The following MCEE variants were observed in gnomAD, a reference collection of about 807,000 sequenced individuals.
The protein encoded by MCEE is methylmalonyl-CoA epimerase, mitochondrial.
A neutral mutation model predicts 12.9 loss-of-function variants in MCEE; 6 were observed. The observed-to-expected ratio is 0.47, with a 90% CI of 0.26 to 0.92. The LOEUF is 0.92. Among genes scored for constraint, MCEE ranks in the 40% least tolerant of loss-of-function variants. MCEE has a pLI of 0.16. For missense variants in MCEE, 214 were observed against 212.1 expected (o/e 1.01, Z -0.05); for synonymous variants, 78 against 77.9 (o/e 1.00, Z -0.01).
At chr2:71,119,693 G>C (rs1279066086) in intron 2 of MCEE, among the ~76,000 whole-genome samples, 1 of 150,142 alleles carries the variant, frequency 6.7e-6, no homozygotes, top group Admixed American at 6.6e-5. Context: ...CCAGCATCTT[G>C]TACAGTGAAG....
intron 1 of MCEE, among the ~76,000 whole-genome samples, chr2:71,127,513 A>G (rs1673261208): frequency 6.6e-6 from 1 of 152,274 alleles, no homozygotes; most frequent in South Asian, 2.1e-4. Flanking sequence ...TAGTTTTTAA[A>G]CAGACTTAAA....
intron 2 of MCEE, 43 bp downstream of exon 2, chr2:71,124,161 TAA>T (rs764917985): frequency 1.4e-6 from 2 of 1,445,072 alleles, no homozygotes; most frequent in South Asian, 2.3e-5. Context: ...AGACATTTTT[TAA>T]AAGAGAGATT....
At chr2:71,111,705 C>A (rs536466130) in intron 2 of MCEE, among the ~76,000 whole-genome samples, 2 of 152,180 alleles carry the variant, frequency 1.3e-5, no homozygotes, top group Non-Finnish European at 2.9e-5. Flanking sequence ...GCTGTGAACT[C>A]TAGCACCATG....
chr2:71,120,638 T>G (rs1673081563), intron 2 of MCEE, among the ~76,000 whole-genome samples: 1 of 150,246 alleles, frequency 6.7e-6, no homozygotes, highest in Admixed American at 6.6e-5. Context: ...CCAACAGATA[T>G]ATGCTAAGTC....
At chr2:71,129,787 A>C (rs922519142) in intron 1 of MCEE, 1 of 314,408 alleles carries the variant, frequency 3.2e-6, no homozygotes, top group Non-Finnish European at 6.2e-6. Context: ...GTTTTTACGG[A>C]ACGTGCTCTC....
At chr2:71,120,237 C>A (rs917703183) in intron 2 of MCEE, among the ~76,000 whole-genome samples, 3 of 150,104 alleles carry the variant, frequency 2.0e-5, no homozygotes, top group African/African-American at 7.6e-5. Flanking sequence ...CCCTTAAAGT[C>A]TTCACTGTGA....
At chr2:71,124,678 A>C (rs1225508576) in intron 1 of MCEE, 135 bp from the exon 2 acceptor site, 2 of 719,608 alleles carry the variant, frequency 2.8e-6, no homozygotes, top group East Asian at 5.4e-5. Flanking sequence ...TATTGAAATG[A>C]AACCAGGAGA....
Position 71,125,211 on chromosome 2 carries a change from A to ATTTT in MCEE, c.41-672_41-669dup, listed in dbSNP as rs1243506608. Among the ~76,000 whole-genome samples the ATTTT allele has an allele frequency of 8.4e-3, 409 of 48,570 alleles. 16 individuals carry two copies. The highest frequency in any genetic ancestry group is 0.031 in the Middle Eastern group (1 of 32). 31.9% of individuals were successfully genotyped at this position (48,570 alleles called of 152,430 possible). On this transcript the variant is annotated intron_variant, in intron 1 of 2. Coordinates refer to ENST00000244217, the MANE Select transcript of MCEE (RefSeq NM_032601.4). ...TAAATATATATATATATATATATAT[A>ATTTT]TTTTTTTTTTTTTTTGAGACGGAGT...
chr2:71,129,986 G>T, intron 1 of MCEE, 194 bp downstream of exon 1: 1 of 663,766 alleles, frequency 1.5e-6, no homozygotes, highest in Non-Finnish European at 2.8e-6. Context: ...CATGCACAAG[G>T]CAATCCCCGC....
chr2:71,120,570 C>G (rs1381470331), intron 2 of MCEE, among the ~76,000 whole-genome samples: 1 of 150,328 alleles, frequency 6.7e-6, no homozygotes, highest in Admixed American at 6.6e-5. Context: ...AGATCGTAAT[C>G]CACATGTGAG....
intron 2 of MCEE, among the ~76,000 whole-genome samples, chr2:71,122,757 C>T (rs2103635583): frequency 6.6e-6 from 1 of 152,306 alleles, no homozygotes; most frequent in Admixed American, 6.5e-5. Flanking sequence ...GGGACACAGC[C>T]AAGCCATGTC....
intron 1 of MCEE, chr2:71,129,636 ACATG>A (rs1294728149): frequency 1.3e-5 from 2 of 154,620 alleles, no homozygotes; most frequent in Non-Finnish European, 2.9e-5. Flanking sequence ...TTCCAAATCC[ACATG>A]CTTTTATCTG....
intron 1 of MCEE, 90 bp downstream of exon 1, chr2:71,130,090 G>T: frequency 7.5e-7 from 1 of 1,324,504 alleles, no homozygotes; most frequent in Non-Finnish European, 1.1e-6. Flanking sequence ...AGATCAAGGT[G>T]CTTTGGCCAC....
rs1553440227 is a variant in MCEE, at chr2:71,124,161, T to A, written c.378+45A>T. 1.1e-5 allele frequency: 16 copies of A among 1,445,072 alleles called. No individual in the cohort carries two copies. The East Asian group carries it at 3.7e-4, about 33-fold the overall frequency. The allele number at this position is 1,445,072 out of a possible 1,614,324, so 89.5% of individuals were successfully genotyped here. A position where few individuals can be genotyped will look rare whatever the true frequency, so the allele number is the denominator to read the frequency against. On this transcript the variant is annotated intron_variant, in intron 2 of 2. Transcript: ENST00000244217. The stretch of plus-strand genomic sequence containing the variant: ...GACTTAAAAAGTAGAAGACATTTTT[T>A]AAAAGAGAGATTTAAAATACCAGGC...
chr2:71,128,336 T>C (rs1673282806), intron 1 of MCEE, among the ~76,000 whole-genome samples: 1 of 152,194 alleles, frequency 6.6e-6, no homozygotes, highest in Admixed American at 6.5e-5. Flanking sequence ...AATTACCATG[T>C]AATCCAGCAA....
At chr2:71,125,155 TTGTGTGTGTGTGTA>T (rs1302587154) in intron 1 of MCEE, among the ~76,000 whole-genome samples, 1 of 138,306 alleles carries the variant, frequency 7.2e-6, no homozygotes, top group East Asian at 2.0e-4. Context: ...CCCAGCTAAT[TTGTGTGTGTGTGTA>T]TGTGTGTGTA....
chr2:71,128,212 C>T (rs1175456505), intron 1 of MCEE, among the ~76,000 whole-genome samples: 5 of 152,212 alleles, frequency 3.3e-5, no homozygotes, highest in African/African-American at 1.2e-4. Flanking sequence ...TTGTCTCCCA[C>T]CTAACAGGTT....
At chr2:71,130,125 C>A in intron 1 of MCEE, 55 bp downstream of exon 1, 1 of 1,573,760 alleles carries the variant, frequency 6.4e-7, no homozygotes, top group Non-Finnish European at 8.7e-7. Flanking sequence ...CGCCCCCGAC[C>A]GCCGTTCCCA....
chr2:71,129,496 G>GAA (rs3070609), intron 1 of MCEE, among the ~76,000 whole-genome samples: 39,007 of 144,988 alleles, frequency 0.27, 6,419 homozygotes, highest in Non-Finnish European at 0.37. Flanking sequence ...AGGAGGAAGA[G>GAA]AAAAAAAAAA....
Sources: allele counts gnomAD v4.1 joint callset (sites outside exome capture counted in the v4.1 genomes callset), GRCh38; gene constraint gnomAD v4.1.1; transcripts MANE v1.5; gene names NCBI Gene and HGNC (gene_info 2026-07-23, HGNC 2026-07-21).